DGKB: variants seen among roughly 807,000 people sequenced by gnomAD.
DGKB encodes the protein diacylglycerol kinase beta.
DGKB carries 67 observed loss-of-function variants against 114.3 expected under a neutral mutation model. The observed-to-expected ratio is 0.59, with a 90% CI of 0.48 to 0.72. The LOEUF (loss-of-function observed/expected upper bound fraction) is 0.72, where lower values mean the gene tolerates loss of function less well. Among genes scored for constraint, DGKB ranks in the 30% least tolerant of loss-of-function variants. The probability of loss-of-function intolerance (pLI) is 0.00; values close to 1 mark genes in which losing one functional copy is unlikely to be tolerated. For missense variants in DGKB, 907 were observed against 975.2 expected, an observed-to-expected ratio of 0.93 and a Z score of 0.93; for synonymous variants, 398 against 323.1, an observed-to-expected ratio of 1.23 and a Z score of -2.49.
chr7:14,589,819 T>C lies in DGKB; in HGVS notation c.1434-6682A>G, dbSNP rs369636979. ...TAATATTTTGTTTAGAAATTTTGCATCAATCTTTATGAACAAATTGACCTA... is the reference window on the plus strand; with the variant it reads ...TAATATTTTGTTTAGAAATTTTGCACCAATCTTTATGAACAAATTGACCTA... On this transcript the variant is annotated intron_variant, in intron 17 of 25. Transcript: ENST00000402815. Among the ~76,000 whole-genome samples the C allele has an allele frequency of 1.1e-4, 17 of 152,228 alleles. 1 individual carries two copies. The East Asian group carries it at 2.3e-3, about 21-fold the overall frequency.
chr7:14,586,679 CTT>C (rs1404625242), intron 17 of DGKB, among the ~76,000 whole-genome samples: 2 of 152,052 alleles, frequency 1.3e-5, no homozygotes. Context: ...AGGCTGATGA[CTT>C]TAAGTTGAAG....
At chr7:14,199,918 C>A (rs967754315) in intron 23 of DGKB, among the ~76,000 whole-genome samples, 2 of 151,884 alleles carry the variant, frequency 1.3e-5, no homozygotes, top group African/African-American at 4.8e-5. Flanking sequence ...TCAAAACAAA[C>A]AAACAAACAA....
intron 23 of DGKB, among the ~76,000 whole-genome samples, chr7:14,296,342 T>C (rs912544228): frequency 7.9e-5 from 12 of 152,162 alleles, no homozygotes; most frequent in Non-Finnish European, 1.6e-4. Context: ...ACTCATTCTT[T>C]TTTATGGCTG....
chr7:14,754,042 G>T lies in DGKB; in HGVS notation c.148-94C>A. 3 of 905,080 alleles carry T rather than the reference G, an allele frequency of 3.3e-6. No homozygotes were observed. In the South Asian group the frequency reaches 4.8e-5, roughly 14 times the overall value. The allele number at this position is 905,080 out of a possible 1,614,324, so 56.1% of individuals were successfully genotyped here. A position where few individuals can be genotyped will look rare whatever the true frequency, so the allele number is the denominator to read the frequency against. On this transcript the variant is annotated intron_variant, in intron 3 of 25. Transcript: ENST00000402815. The stretch of plus-strand genomic sequence containing the variant: ...TCTGATTATTTAGCTAAAAGTTCAA[G>T]TTTACAGGTTGATTTTAAAACACAC...
intron 20 of DGKB, among the ~76,000 whole-genome samples, chr7:14,513,749 C>A (rs1433903982): frequency 4.0e-5 from 6 of 151,708 alleles, no homozygotes; most frequent in Non-Finnish European, 7.4e-5. Flanking sequence ...TTTGTATACT[C>A]CCTAGGATGT....
chr7:14,535,602 T>C (rs1054109863), intron 20 of DGKB, among the ~76,000 whole-genome samples: 1 of 152,090 alleles, frequency 6.6e-6, no homozygotes, highest in Non-Finnish European at 1.5e-5. Context: ...TTAAAATTCA[T>C]TTGGAGACGG....
intron 6 of DGKB, 79 bp downstream of exon 6, chr7:14,718,463 G>C: frequency 7.6e-7 from 1 of 1,311,800 alleles, no homozygotes; most frequent in South Asian, 1.7e-5. Flanking sequence ...CTATACTAAT[G>C]CAATTTTAAG....
At chr7:14,531,317 C>G in intron 20 of DGKB, among the ~76,000 whole-genome samples, 1 of 151,376 alleles carries the variant, frequency 6.6e-6, no homozygotes, top group Middle Eastern at 3.4e-3. Flanking sequence ...AATTTTAGAG[C>G]CCAACAAAAA....
intron 15 of DGKB, among the ~76,000 whole-genome samples, chr7:14,614,912 A>T (rs2128800937): frequency 6.6e-6 from 1 of 152,252 alleles, no homozygotes; most frequent in Admixed American, 6.6e-5. Context: ...CCCCTGAACC[A>T]AATGTGTGCA....
intron 1 of DGKB, among the ~76,000 whole-genome samples, chr7:14,928,197 C>T (rs1784837243): frequency 1.3e-5 from 2 of 151,704 alleles, no homozygotes; most frequent in Admixed American, 1.3e-4. Flanking sequence ...AACAAACAGC[C>T]CTGAACTTGT....
intron 2 of DGKB, among the ~76,000 whole-genome samples, chr7:14,838,719 T>C (rs1847500818): frequency 6.6e-6 from 1 of 152,182 alleles, no homozygotes; most frequent in African/African-American, 2.4e-5. Flanking sequence ...CATCACCATA[T>C]ACCATCTTCT....
At chr7:14,509,926 C>T (rs540377218) in intron 20 of DGKB, among the ~76,000 whole-genome samples, 2 of 152,122 alleles carry the variant, frequency 1.3e-5, no homozygotes, top group Non-Finnish European at 2.9e-5. Context: ...CTATAATCCC[C>T]GCACATTGGG....
chr7:14,757,452 C>T (rs1210335303), intron 3 of DGKB, among the ~76,000 whole-genome samples: 1 of 151,510 alleles, frequency 6.6e-6, no homozygotes, highest in Non-Finnish European at 1.5e-5. Flanking sequence ...TGTTATGATA[C>T]ATGGTAAATG....
At chr7:14,158,232 C>T (rs1783326517) in intron 25 of DGKB, among the ~76,000 whole-genome samples, 1 of 152,176 alleles carries the variant, frequency 6.6e-6, no homozygotes, top group Non-Finnish European at 1.5e-5. Context: ...ACACATTTTG[C>T]TAACCCCTCT....
intron 16 of DGKB, among the ~76,000 whole-genome samples, chr7:14,610,230 A>G (rs977120199): frequency 1.3e-5 from 2 of 152,140 alleles, no homozygotes; most frequent in African/African-American, 4.8e-5. Context: ...AGCAATATGG[A>G]TGGAGATGGA....
At chr7:14,306,964 T>A (rs1015139042) in intron 23 of DGKB, among the ~76,000 whole-genome samples, 2 of 152,188 alleles carry the variant, frequency 1.3e-5, no homozygotes, top group South Asian at 4.1e-4. Flanking sequence ...TTTAATATCA[T>A]GTATTCTCTT....
intron 20 of DGKB, among the ~76,000 whole-genome samples, chr7:14,547,354 A>G (rs1335482654): frequency 6.6e-6 from 1 of 152,214 alleles, no homozygotes; most frequent in Non-Finnish European, 1.5e-5. Context: ...CTGTCTTTCC[A>G]ATAGTAAGTA....
intron 7 of DGKB, among the ~76,000 whole-genome samples, chr7:14,701,038 C>A (rs186202177): frequency 1.1e-4 from 17 of 152,192 alleles, no homozygotes; most frequent in Admixed American, 6.5e-5. Context: ...TGAAAGCTAG[C>A]AATGATTTCC....
intron 1 of DGKB, among the ~76,000 whole-genome samples, chr7:14,846,303 T>C (rs1848619106): frequency 6.6e-6 from 1 of 152,220 alleles, no homozygotes; most frequent in Non-Finnish European, 1.5e-5. Flanking sequence ...TGGTTTCTCA[T>C]AATTCTCATA....
Sources: allele counts gnomAD v4.1 joint callset (sites outside exome capture counted in the v4.1 genomes callset), GRCh38; gene constraint gnomAD v4.1.1; transcripts MANE v1.5; gene names NCBI Gene and HGNC (gene_info 2026-07-23, HGNC 2026-07-21).